Variants in ATP2B1 observed in about 807,000 individuals in gnomAD.
ATP2B1 encodes the protein plasma membrane calcium-transporting ATPase 1.
ATP2B1 carries 14 observed loss-of-function variants against 124.2 expected under a neutral mutation model. That is an observed-to-expected ratio of 0.11 (90% CI 0.07 to 0.18). The LOEUF (loss-of-function observed/expected upper bound fraction) is 0.18. Among genes scored for constraint, ATP2B1 ranks in the 10% least tolerant of loss-of-function variants. The probability of loss-of-function intolerance (pLI) is 1.00; values close to 1 mark genes in which losing one functional copy is unlikely to be tolerated. For synonymous variants in ATP2B1, 449 were observed against 492.4 expected, an observed-to-expected ratio of 0.91 and a Z score of 1.17; for missense variants, 763 against 1,466.1, an observed-to-expected ratio of 0.52 and a Z score of 7.83.
chr12:89,639,791 C>A (rs1371892332), intron 3 of ATP2B1, among the ~76,000 whole-genome samples: 1 of 152,052 alleles, frequency 6.6e-6, no homozygotes, highest in African/African-American at 2.4e-5. Context: ...CTACATCTTA[C>A]AAAGGAAGCA....
chr12:89,603,183 T>C lies in ATP2B1; in HGVS notation c.2920A>G (p.Ile974Val). The C allele has an allele frequency of 6.2e-7, 1 of 1,613,714 alleles. No homozygotes were observed. The highest frequency in any genetic ancestry group is 1.7e-5 in the Admixed American group (1 of 60,010). ...ATCAGCACAAAGGTATTAAAAACAA[T>C]AGTATAATGTTCTGAAGGAGGAGCA... ...LHAPPSEHYT[I>V]VFNTFVLMQL... Residue 974 changes from isoleucine (I) to valine (V), a missense_variant, in exon 18 of 21, where the codon ATT becomes GTT. Ile to Val is a conservative substitution (Grantham distance 29). Around this residue, in one of 7 missense-constraint regions of ATP2B1, gnomAD observed 118 missense variants for 240.3 expected, o/e 0.49. Coordinates refer to ENST00000428670, the MANE Select transcript of ATP2B1 (RefSeq NM_001366521.1). This position sits in a 1 kb window ranked among gnomAD's most constrained non-coding sequence, Gnocchi z 4.3.
At chr12:89,600,751 C>T (rs1212793745) in intron 19 of ATP2B1, among the ~76,000 whole-genome samples, 1 of 151,378 alleles carries the variant, frequency 6.6e-6, no homozygotes, top group Non-Finnish European at 1.5e-5. Flanking sequence ...TGGGTTCAAG[C>T]GATTCTCCTG....
chr12:89,590,587 C>G lies in ATP2B1; in HGVS notation c.*397G>C. On this transcript the variant is annotated 3_prime_UTR_variant, in exon 21 of 21. Coordinates refer to ENST00000428670, the MANE Select transcript of ATP2B1 (RefSeq NM_001366521.1). ...AATAATCCAAATTATTAACAGCCAA[C>G]AGCAGAAATTAAACTATCAATTCAA... 1 of 160,540 alleles carries G rather than the reference C, an allele frequency of 6.2e-6. No individual in the cohort carries two copies. The highest frequency in any genetic ancestry group is 1.4e-5 in the Non-Finnish European group (1 of 72,492). 9.9% of individuals were successfully genotyped at this position (160,540 alleles called of 1,614,324 possible). A position where few individuals can be genotyped will look rare whatever the true frequency, so the allele number is the denominator to read the frequency against.
chr12:89,670,191 A>G (rs1592927560), intron 1 of ATP2B1, among the ~76,000 whole-genome samples: 1 of 152,234 alleles, frequency 6.6e-6, no homozygotes, highest in Admixed American at 6.5e-5. Flanking sequence ...GAACTGACAT[A>G]CTGTAAATGG....
At chr12:89,618,854 G>A (rs777297313) in intron 11 of ATP2B1, among the ~76,000 whole-genome samples, 1 of 152,100 alleles carries the variant, frequency 6.6e-6, no homozygotes, top group South Asian at 2.1e-4. Context: ...ATTGTAAAGT[G>A]TTCATTAATA....
chr12:89,685,427 A>ATT (rs1345405294), intron 1 of ATP2B1, among the ~76,000 whole-genome samples: 1 of 152,022 alleles, frequency 6.6e-6, no homozygotes, highest in African/African-American at 2.4e-5. Context: ...AGTTTCCCTT[A>ATT]TTTCAGGGGC....
Position 89,670,371 on chromosome 12 carries a change from AT to A in ATP2B1, c.-221-14265del, listed in dbSNP as rs11432601. Among the ~76,000 whole-genome samples, 304 of 147,462 alleles carry A rather than the reference AT, an allele frequency of 2.1e-3. 2 individuals are homozygous for A. Among genetic ancestry groups the A allele is most frequent in the East Asian group, 9.2e-3 (47 of 5,108 alleles). ...TGTTATGTGCACAAAATAAAACCGA[AT>A]TTTTTTTTTTTTCAATTGTTACGCA... On this transcript the variant is annotated intron_variant, in intron 1 of 20. Coordinates refer to ENST00000428670, the MANE Select transcript of ATP2B1 (RefSeq NM_001366521.1).
At chr12:89,612,815 T>C (rs1878270341) in intron 12 of ATP2B1, among the ~76,000 whole-genome samples, 1 of 152,206 alleles carries the variant, frequency 6.6e-6, no homozygotes, top group Non-Finnish European at 1.5e-5. Flanking sequence ...TTCTTGAAGG[T>C]AGGACCTTTA....
chr12:89,599,776 T>G (rs994271916), intron 19 of ATP2B1, among the ~76,000 whole-genome samples: 13 of 152,216 alleles, frequency 8.5e-5, no homozygotes, highest in African/African-American at 3.1e-4. Flanking sequence ...TTACATATTT[T>G]TTTTAAAATG....
intron 1 of ATP2B1, among the ~76,000 whole-genome samples, chr12:89,666,525 T>C (rs532724888): frequency 2.0e-5 from 3 of 152,330 alleles, no homozygotes; most frequent in South Asian, 2.1e-4. Context: ...GTCAAGATCC[T>C]TTCTGATCAA....
chr12:89,633,607 T>C (rs977494824), intron 5 of ATP2B1, among the ~76,000 whole-genome samples: 1 of 152,232 alleles, frequency 6.6e-6, no homozygotes, highest in East Asian at 1.9e-4. Context: ...CCAATATAAA[T>C]GTGTCTGGTT....
chr12:89,625,584 C>CAA (rs10560749), intron 8 of ATP2B1, among the ~76,000 whole-genome samples: 1 of 81,598 alleles, frequency 1.2e-5, no homozygotes, highest in Non-Finnish European at 2.4e-5. Context: ...GACCCTGTCT[C>CAA]AAAAAAAAAA....
At chr12:89,692,866 G>A (rs1890702764) in intron 1 of ATP2B1, among the ~76,000 whole-genome samples, 1 of 152,092 alleles carries the variant, frequency 6.6e-6, no homozygotes, top group Non-Finnish European at 1.5e-5. Flanking sequence ...TTTGTGACCA[G>A]AAATATGCCA....
At chr12:89,609,415 A>T (rs1877574133) in intron 15 of ATP2B1, among the ~76,000 whole-genome samples, 1 of 152,188 alleles carries the variant, frequency 6.6e-6, no homozygotes, top group Admixed American at 6.5e-5. Flanking sequence ...TATTTTCCAA[A>T]AATAAAATGA....
intron 1 of ATP2B1, among the ~76,000 whole-genome samples, chr12:89,692,674 G>A (rs1890686227): frequency 6.6e-6 from 1 of 152,090 alleles, no homozygotes; most frequent in Non-Finnish European, 1.5e-5. Flanking sequence ...AACTTCGTGT[G>A]GTAGGAGGTG....
At chr12:89,665,521 T>G (rs962915757) in intron 1 of ATP2B1, among the ~76,000 whole-genome samples, 1 of 152,172 alleles carries the variant, frequency 6.6e-6, no homozygotes, top group African/African-American at 2.4e-5. Flanking sequence ...CCTAGTAAAA[T>G]AAGCTTTTGA....
rs77707890 is a variant in ATP2B1, at chr12:89,674,647, A to G, written c.-221-18540T>C. Among the ~76,000 whole-genome samples, 451 of 152,310 alleles carry G rather than the reference A, an allele frequency of 3.0e-3. 2 individuals carry two copies. The highest frequency in any genetic ancestry group is 0.01 in the African/African-American group (418 of 41,570). ...AGCGTTTTTGGTTTACTGTGCTCCT[A>G]TGAGACTGGTATTAATCAGCTTTCC... On this transcript the variant is annotated intron_variant, in intron 1 of 20. Coordinates refer to ENST00000428670, the MANE Select transcript of ATP2B1 (RefSeq NM_001366521.1).
chr12:89,663,599 C>T (rs1209451409), intron 1 of ATP2B1, among the ~76,000 whole-genome samples: 1 of 152,168 alleles, frequency 6.6e-6, no homozygotes, highest in Non-Finnish European at 1.5e-5. Flanking sequence ...CCACATCTAA[C>T]TAACATCTGC....
chr12:89,601,765 A>T (rs1875896133), intron 18 of ATP2B1, among the ~76,000 whole-genome samples: 1 of 152,224 alleles, frequency 6.6e-6, no homozygotes, highest in African/African-American at 2.4e-5. Flanking sequence ...ACTGTTTCCA[A>T]TATAACCCCA....
Sources: allele counts gnomAD v4.1 joint callset (sites outside exome capture counted in the v4.1 genomes callset), GRCh38; gene constraint gnomAD v4.1.1; regional missense constraint gnomAD v4.1.1; non-coding constraint Gnocchi (gnomAD v3.1); transcripts MANE v1.5; gene names NCBI Gene and HGNC (gene_info 2026-07-23, HGNC 2026-07-21).